Variants in DHTKD1 observed in about 807,000 individuals in gnomAD.
The protein encoded by DHTKD1 is 2-oxoadipate dehydrogenase complex component E1.
A neutral mutation model predicts 101.8 loss-of-function variants in DHTKD1; 78 were observed. That is an observed-to-expected ratio of 0.77 (90% confidence interval 0.64 to 0.93). The LOEUF (loss-of-function observed/expected upper bound fraction) is 0.93. Ranked by LOEUF, DHTKD1 falls within the 40% of genes least tolerant of loss-of-function variation. DHTKD1 has a pLI of 0.00. For missense variants in DHTKD1, 1,223 were observed against 1,161.7 expected, an observed-to-expected ratio of 1.05 and a Z score of -0.77; for synonymous variants, 462 against 450.3, an observed-to-expected ratio of 1.03 and a Z score of -0.33.
rs373447339 is a variant in DHTKD1 at position 12,121,089 on chromosome 10, G to A, written c.*201G>A. On this transcript the variant is annotated 3_prime_UTR_variant, in exon 17 of 17. Coordinates refer to ENST00000263035, the MANE Select transcript of DHTKD1 (RefSeq NM_018706.7). ...ACAAAAAATAGCCGGGTGTGGTGGT[G>A]GGCACCTGTGATCCCAGCTTCCTGG... 1 of 434,168 alleles carries A rather than the reference G, an allele frequency of 2.3e-6. No individual in the cohort carries two copies. The highest frequency in any genetic ancestry group is 2.0e-5 in the African/African-American group (1 of 49,146). The allele number at this position is 434,168 out of a possible 1,614,324, so 26.9% of individuals were successfully genotyped here.
At position 12,091,642 on chromosome 10, in the gene DHTKD1, C is replaced by T. The variant is rs1273777753; in HGVS notation, c.1117C>T (p.Pro373Ser). 9 of 1,613,864 alleles carry T rather than the reference C, an allele frequency of 5.6e-6. No individual in the cohort carries two copies. Among genetic ancestry groups the T allele is most frequent in the Non-Finnish European group, 7.6e-6 (9 of 1,179,962 alleles). Residue 373 changes from proline (P) to serine (S), a missense_variant, in exon 6 of 17, where the codon CCA (proline) becomes TCA (serine). Pro to Ser is a moderately conservative substitution (Grantham distance 74). Coordinates refer to ENST00000263035, the MANE Select transcript of DHTKD1 (RefSeq NM_018706.7). The stretch of plus-strand genomic sequence containing the variant: ...TAATAACCAGCTGGGTTACACCACT[C>T]CAGCTGAAAGAGGAAGGTCTTCTTT... ...IVNNQLGYTT[P>S]AERGRSSLYC...
intron 5 of DHTKD1, among the ~76,000 whole-genome samples, chr10:12,090,695 C>A (rs2066019773): frequency 6.6e-6 from 1 of 151,966 alleles, no homozygotes; most frequent in African/African-American, 2.4e-5. Flanking sequence ...CTGGGTTGGC[C>A]AAGCTGGTTT....
chr10:12,074,984 G>T (rs1462374109), intron 1 of DHTKD1, among the ~76,000 whole-genome samples: 1 of 151,996 alleles, frequency 6.6e-6, no homozygotes, highest in Non-Finnish European at 1.5e-5. Context: ...AAATTAGCCG[G>T]GTGTGGTCGC....
intron 10 of DHTKD1, 117 bp from the exon 11 acceptor site, chr10:12,106,129 G>C: frequency 1.9e-6 from 2 of 1,034,712 alleles, no homozygotes; most frequent in Non-Finnish European, 2.9e-6. Flanking sequence ...AAAGAATGTG[G>C]TGATGAACGA....
chr10:12,116,701 CTTT>C (rs1160066902), intron 13 of DHTKD1, among the ~76,000 whole-genome samples: 1 of 142,410 alleles, frequency 7.0e-6, no homozygotes. Flanking sequence ...TTTTTCTTTT[CTTT>C]TTTTTTTTTT....
intron 1 of DHTKD1, among the ~76,000 whole-genome samples, chr10:12,078,535 C>T (rs935827756): frequency 8.6e-5 from 13 of 151,924 alleles, no homozygotes; most frequent in African/African-American, 3.1e-4. Flanking sequence ...CGCTTGCACC[C>T]AAAAGGCGGA....
rs1833031453 is a variant in DHTKD1, at chr10:12,094,053, C to T, written c.1160-20C>T. On this transcript the variant is annotated intron_variant, in intron 6 of 16. Transcript: ENST00000263035. ...TTCTGGGTTAACTGTCCTGTTTCGG[C>T]TTGGTCTTCTGTCCTTCAGGGAAGC... 1 of 1,608,444 alleles carries T rather than the reference C, an allele frequency of 6.2e-7. No homozygotes were observed. The highest frequency in any genetic ancestry group is 1.3e-5 in the African/African-American group (1 of 74,832).
At chr10:12,081,674 C>T in intron 2 of DHTKD1, 47 bp downstream of exon 2, 3 of 1,606,142 alleles carry the variant, frequency 1.9e-6, no homozygotes, top group Non-Finnish European at 2.6e-6. Flanking sequence ...GCACACCAGG[C>T]CAGGCTCCTG....
chr10:12,092,287 A>G (rs1009555648), intron 6 of DHTKD1, among the ~76,000 whole-genome samples: 1 of 151,968 alleles, frequency 6.6e-6, no homozygotes, highest in African/African-American at 2.4e-5. Context: ...CCAGCCTATC[A>G]GTGTGATTTT....
chr10:12,109,419 C>T (rs983440757), intron 12 of DHTKD1, among the ~76,000 whole-genome samples: 2 of 150,848 alleles, frequency 1.3e-5, no homozygotes, highest in Non-Finnish European at 2.9e-5. Flanking sequence ...GTTGAAGAAA[C>T]AGAGGAAATG....
intron 4 of DHTKD1, among the ~76,000 whole-genome samples, chr10:12,088,471 TAA>T (rs796321437): frequency 6.9e-6 from 1 of 143,944 alleles, no homozygotes; most frequent in African/African-American, 2.5e-5. Flanking sequence ...GATCCTGTCT[TAA>T]AAAAAAAAAA....
intron 5 of DHTKD1, among the ~76,000 whole-genome samples, chr10:12,090,666 T>C (rs888894720): frequency 6.6e-6 from 1 of 152,034 alleles, no homozygotes; most frequent in African/African-American, 2.4e-5. Flanking sequence ...TTATTTTATT[T>C]TGTGGAGACA....
Position 12,091,570 on chromosome 10 carries a change from T to TC in DHTKD1, c.1047dup (p.Asn350GlnfsTer16). The TC allele has an allele frequency of 6.2e-7, 1 of 1,613,274 alleles. No individual in the cohort carries two copies. The highest frequency in any genetic ancestry group is 8.5e-7 in the Non-Finnish European group (1 of 1,179,952). ...GATTGTTCCTGAAACATTCACGCTG[T>TC]CCAATCTCCCACATTTCAGAATTGG... On this transcript the variant is annotated frameshift_variant, in exon 6 of 17. Coordinates refer to ENST00000263035, the MANE Select transcript of DHTKD1 (RefSeq NM_018706.7). LOFTEE classifies it high-confidence loss of function.
Position 12,087,791 on chromosome 10 carries a change from G to T in DHTKD1, c.717+62G>T, listed in dbSNP as rs1372999616. 2 of 1,370,010 alleles carry T rather than the reference G, an allele frequency of 1.5e-6. No individual in the cohort carries two copies. The highest frequency in any genetic ancestry group is 1.5e-5 in the African/African-American group (1 of 68,456). 84.9% of individuals were successfully genotyped at this position (1,370,010 alleles called of 1,614,324 possible). ...TGATTGATTGTAACAGAATAAAACT[G>T]CTGGTTTCATTCTGGTGATAAATGA... On this transcript the variant is annotated intron_variant, in intron 4 of 16. Transcript: ENST00000263035. The surrounding 1 kb of genome is among the most constrained non-coding windows in gnomAD (Gnocchi z 5.2).
rs1445391522 is a variant in DHTKD1, at chr10:12,094,245, C to G, written c.1332C>G (p.Thr444=). The G allele has an allele frequency of 6.2e-7, 1 of 1,614,028 alleles. No individual in the cohort carries two copies. Among genetic ancestry groups the G allele is most frequent in the Non-Finnish European group, 8.5e-7 (1 of 1,180,008 alleles). The part of the protein sequence containing the change: ...GHNELDEPFY[T]NPIMYKIIRA... Reference sequence around the variant, plus strand: ...ATGAGCTGGATGAGCCATTCTACACCAACCCCATCATGTACAAAATCATCA... The same window carrying G: ...ATGAGCTGGATGAGCCATTCTACACGAACCCCATCATGTACAAAATCATCA... The change falls in exon 7 of 17, where the codon ACC becomes ACG. Residue 444 remains threonine (T), a synonymous_variant. Transcript: ENST00000263035.
At chr10:12,080,934 G>A (rs988001443) in intron 1 of DHTKD1, among the ~76,000 whole-genome samples, 14 of 151,864 alleles carry the variant, frequency 9.2e-5, no homozygotes, top group African/African-American at 3.4e-4. Flanking sequence ...AGATGTGGTG[G>A]TGCACGCCTG....
In DHTKD1 at chr10:12,069,518, C is replaced by CTTTT. The variant is rs10691718; in HGVS notation, c.154+350_154+353dup. Among the ~76,000 whole-genome samples, 80 of 81,518 alleles carry CTTTT rather than the reference C, an allele frequency of 9.8e-4. 1 individual carries two copies. The highest frequency in any genetic ancestry group is 1.3e-3 in the Non-Finnish European group (61 of 46,040). 53.5% of individuals were successfully genotyped at this position (81,518 alleles called of 152,430 possible). ...CTTTTTTTCTTTCTCTTTTTGTTTC[C>CTTTT]TTTTTTTTTTTTTTTTTTTTTTGAG... On this transcript the variant is annotated intron_variant, in intron 1 of 16. Coordinates refer to ENST00000263035, the MANE Select transcript of DHTKD1 (RefSeq NM_018706.7).
intron 1 of DHTKD1, among the ~76,000 whole-genome samples, chr10:12,076,221 T>C (rs182994939): frequency 3.9e-5 from 6 of 152,362 alleles, no homozygotes; most frequent in Non-Finnish European, 7.3e-5. Flanking sequence ...CTCACGCCTG[T>C]AATCCCAGCA....
At chr10:12,081,756 A>C in intron 2 of DHTKD1, 129 bp downstream of exon 2, 1 of 967,282 alleles carries the variant, frequency 1.0e-6, no homozygotes, top group Non-Finnish European at 1.5e-6. Flanking sequence ...CCCGAGGGGC[A>C]TGTTGAAGTA....
Sources: gnomAD v4.1 joint callset for allele counts (sites outside exome capture counted in the v4.1 genomes callset) on GRCh38, gnomAD v4.1.1 for gene constraint, Gnocchi (gnomAD v3.1) non-coding constraint, MANE v1.5 for transcripts, NCBI Gene and HGNC (gene_info 2026-07-23, HGNC 2026-07-21) for gene names.